Variants in BMP2K observed in about 807,000 individuals in gnomAD.
BMP2K encodes BMP-2-inducible protein kinase.
BMP2K carries 74 observed loss-of-function variants against 116.0 expected under a neutral mutation model. The observed-to-expected ratio is 0.64, with a 90% CI of 0.53 to 0.77. The LOEUF is 0.77. Ranked by LOEUF, BMP2K falls within the 30% of genes least tolerant of loss-of-function variation. The pLI is 0.00. For missense variants in BMP2K, 1,365 were observed against 1,403.6 expected, an observed-to-expected ratio of 0.97 and a Z score of 0.44; for synonymous variants, 486 against 502.5, an observed-to-expected ratio of 0.97 and a Z score of 0.44.
At chr4:78,801,122 C>T (rs1278666288) in intron 1 of BMP2K, among the ~76,000 whole-genome samples, 7 of 152,138 alleles carry the variant, frequency 4.6e-5, no homozygotes, top group East Asian at 3.9e-4. Flanking sequence ...GCACAAATTA[C>T]CCATAGCTCT....
chr4:78,813,743 C>T (rs1387514563), intron 1 of BMP2K, among the ~76,000 whole-genome samples: 2 of 152,150 alleles, frequency 1.3e-5, no homozygotes. Flanking sequence ...ATTTCAGCCT[C>T]CTCCATCCTT....
intron 7 of BMP2K, among the ~76,000 whole-genome samples, chr4:78,853,511 T>C (rs1449284270): frequency 6.6e-6 from 1 of 152,122 alleles, no homozygotes; most frequent in East Asian, 1.9e-4. Flanking sequence ...TAGAGAACCA[T>C]TTAGAGGAGA....
chr4:78,893,233 T>TAG (rs1266591988), intron 15 of BMP2K, among the ~76,000 whole-genome samples: 2 of 152,232 alleles, frequency 1.3e-5, no homozygotes, highest in Non-Finnish European at 2.9e-5. Flanking sequence ...TGCTCAAGCA[T>TAG]AAGCAACTCC....
Position 78,913,764 on chromosome 4 carries a change from A to G in BMP2K, c.*1731A>G, listed in dbSNP as rs1393320364. The stretch of plus-strand genomic sequence containing the variant: ...CTTTTTCCCTTCTTTTATATGCTAA[A>G]TCAAATATAGATTTGTGGATAGGGA... On this transcript the variant is annotated 3_prime_UTR_variant, in exon 16 of 16. Coordinates refer to ENST00000502613, the MANE Select transcript of BMP2K (RefSeq NM_198892.2). The G allele has an allele frequency of 6.6e-6, 1 of 152,140 alleles. No homozygotes were observed. The highest frequency in any genetic ancestry group is 1.9e-4 in the East Asian group (1 of 5,202). The allele number at this position is 152,140 out of a possible 1,614,324, so 9.4% of individuals were successfully genotyped here.
intron 1 of BMP2K, among the ~76,000 whole-genome samples, chr4:78,779,132 G>T (rs1373632068): frequency 6.6e-6 from 1 of 152,158 alleles, no homozygotes; most frequent in African/African-American, 2.4e-5. Flanking sequence ...AAGTCACCGT[G>T]AAAACTGGAT....
At chr4:78,842,652 T>C in intron 4 of BMP2K, 125 bp downstream of exon 4, 1 of 782,138 alleles carries the variant, frequency 1.3e-6, no homozygotes, top group Non-Finnish European at 1.8e-6. Flanking sequence ...CTTCTACATT[T>C]CCTGAGGTCA....
intron 10 of BMP2K, among the ~76,000 whole-genome samples, chr4:78,867,669 C>G (rs1162376897): frequency 6.6e-6 from 1 of 152,020 alleles, no homozygotes; most frequent in Non-Finnish European, 1.5e-5. Context: ...CATTTTCTTC[C>G]CAGAGTTAAC....
At chr4:78,801,546 G>T (rs1370914701) in intron 1 of BMP2K, among the ~76,000 whole-genome samples, 1 of 151,942 alleles carries the variant, frequency 6.6e-6, no homozygotes, top group East Asian at 1.9e-4. Context: ...TCCCAATTCT[G>T]ATCTTGACTC....
At chr4:78,817,503 G>A (rs1220309609) in intron 1 of BMP2K, among the ~76,000 whole-genome samples, 1 of 152,164 alleles carries the variant, frequency 6.6e-6, no homozygotes, top group African/African-American at 2.4e-5. Context: ...CAGGTACATA[G>A]CACAAGGAGG....
At chr4:78,778,857 T>A (rs1422356064) in intron 1 of BMP2K, among the ~76,000 whole-genome samples, 1 of 152,184 alleles carries the variant, frequency 6.6e-6, no homozygotes, top group Admixed American at 6.5e-5. Flanking sequence ...AGTACTTGAT[T>A]TGGGGAGAGG....
chr4:78,858,396 ATGG>A (rs1416823711), intron 7 of BMP2K, among the ~76,000 whole-genome samples: 1 of 151,946 alleles, frequency 6.6e-6, no homozygotes, highest in Non-Finnish European at 1.5e-5. Context: ...CAGTCTAGCA[ATGG>A]TGGTAAAAAT....
intron 1 of BMP2K, among the ~76,000 whole-genome samples, chr4:78,798,435 G>T (rs1009645241): frequency 1.3e-5 from 2 of 152,192 alleles, no homozygotes; most frequent in African/African-American, 4.8e-5. Flanking sequence ...CATCAAGGGA[G>T]AACATAACTG....
At chr4:78,847,091 CTT>C (rs893997744) in intron 5 of BMP2K, 95 bp from the exon 6 acceptor site, 11 of 639,840 alleles carry the variant, frequency 1.7e-5, no homozygotes, top group Non-Finnish European at 2.2e-5. Context: ...ACCTAAAAGA[CTT>C]TTTTTGTAGT....
At chr4:78,887,373 T>A (rs1733153964) in intron 15 of BMP2K, 89 bp downstream of exon 15, 6 of 913,540 alleles carry the variant, frequency 6.6e-6, no homozygotes, top group Admixed American at 4.5e-5. Context: ...AAGACTCTGA[T>A]GTTAGTTAGC....
chr4:78,901,230 ATT>A (rs11355746), intron 15 of BMP2K, among the ~76,000 whole-genome samples: 5 of 142,086 alleles, frequency 3.5e-5, no homozygotes, highest in African/African-American at 1.1e-4. Flanking sequence ...TTATTTTATT[ATT>A]TTTTTTTTTG....
chr4:78,842,274 A>C lies in BMP2K; in HGVS notation c.404-111A>C, dbSNP rs748795546. 1.2e-4 allele frequency: 110 copies of C among 914,144 alleles called. 1 individual carries two copies. Among genetic ancestry groups the C allele is most frequent in the Non-Finnish European group, 1.6e-4 (105 of 637,388 alleles). The allele number at this position is 914,144 out of a possible 1,614,324, so 56.6% of individuals were successfully genotyped here. On this transcript the variant is annotated intron_variant, in intron 3 of 15. Coordinates refer to ENST00000502613, the MANE Select transcript of BMP2K (RefSeq NM_198892.2). ...TAATAAGCATCCTTACATGAGAATT[A>C]TGAAAAAGCCAATTTCCCATTACTT...
intron 3 of BMP2K, among the ~76,000 whole-genome samples, chr4:78,836,175 T>C (rs975313205): frequency 6.6e-6 from 1 of 152,080 alleles, no homozygotes; most frequent in Non-Finnish European, 1.5e-5. Flanking sequence ...CCCAGCACTT[T>C]GGGAGGCTGA....
chr4:78,811,665 A>G (rs1374315961), intron 1 of BMP2K, among the ~76,000 whole-genome samples: 16 of 152,226 alleles, frequency 1.1e-4, no homozygotes, highest in Admixed American at 1.0e-3. Flanking sequence ...GTACAAACAA[A>G]TGAGTGCTGT....
intron 1 of BMP2K, among the ~76,000 whole-genome samples, chr4:78,789,632 A>G (rs10518203): frequency 0.019 from 2,873 of 152,326 alleles, 83 homozygotes; most frequent in African/African-American, 0.062. Flanking sequence ...TTCCTAAGGC[A>G]GTCAAACCAT....
Sources: gnomAD v4.1 joint callset for allele counts (sites outside exome capture counted in the v4.1 genomes callset) on GRCh38, gnomAD v4.1.1 for gene constraint, MANE v1.5 for transcripts, NCBI Gene and HGNC (gene_info 2026-07-23, HGNC 2026-07-21) for gene names.